The following NXPE3 variants were observed in gnomAD, a reference collection of about 807,000 sequenced individuals.
NXPE3 encodes the protein neurexophilin and PC-esterase domain family member 3.
Under a neutral mutation model 46.1 loss-of-function variants are expected in NXPE3, and 26 were observed. The ratio of observed to expected loss-of-function variants is 0.56; its 90% CI spans 0.41 to 0.78. The LOEUF (loss-of-function observed/expected upper bound fraction) is 0.78. NXPE3 is among the 30% of genes least tolerant of loss of function. NXPE3 has a pLI of 0.00. For synonymous variants in NXPE3, 272 were observed against 257.9 expected (o/e 1.05, Z -0.52); for missense variants, 620 against 686.0 (o/e 0.90, Z 1.07).
At chr3:101,819,905 G>T (rs996447639) in intron 7 of NXPE3, among the ~76,000 whole-genome samples, 75 of 152,250 alleles carry the variant, frequency 4.9e-4, no homozygotes, top group South Asian at 2.1e-4. Flanking sequence ...TACCCGTCTA[G>T]CAGCCCTCTG....
chr3:101,799,006 G>C (rs1180040218), intron 4 of NXPE3, among the ~76,000 whole-genome samples: 1 of 152,100 alleles, frequency 6.6e-6, no homozygotes, highest in Non-Finnish European at 1.5e-5. Flanking sequence ...TGTGATCATA[G>C]CTCACTACAA....
Position 101,811,041 on chromosome 3 carries a change from G to A in NXPE3, c.922+3915G>A, listed in dbSNP as rs929798895. ...TCACTGTGTTGGCCAGGCTGGTCTCGAACTCCTGAGCTCAAGCGATCTACC... is the reference window on the plus strand; with the variant it reads ...TCACTGTGTTGGCCAGGCTGGTCTCAAACTCCTGAGCTCAAGCGATCTACC... On this transcript the variant is annotated intron_variant, in intron 6 of 7. Transcript: ENST00000273347. Among the ~76,000 whole-genome samples, 4 of 152,110 alleles carry A rather than the reference G, an allele frequency of 2.6e-5. No homozygotes were observed. In the South Asian group the frequency reaches 8.3e-4, roughly 32 times the overall value.
chr3:101,798,222 C>T (rs1320932646), intron 4 of NXPE3, among the ~76,000 whole-genome samples: 2 of 152,212 alleles, frequency 1.3e-5, no homozygotes, highest in East Asian at 1.9e-4. Flanking sequence ...TTAAGCTATT[C>T]TTTGCCTCAG....
intron 6 of NXPE3, among the ~76,000 whole-genome samples, chr3:101,811,821 C>T (rs1246593315): frequency 6.9e-6 from 1 of 144,276 alleles, no homozygotes; most frequent in Non-Finnish European, 1.5e-5. Flanking sequence ...AAAACTTCTG[C>T]CTCCTGGGTT....
chr3:101,821,769 G>T lies in NXPE3; in HGVS notation c.1495G>T (p.Asp499Tyr). 6.2e-7 allele frequency: 1 copy of T among 1,614,192 alleles called. No individual in the cohort carries two copies. The highest frequency in any genetic ancestry group is 8.5e-7 in the Non-Finnish European group (1 of 1,180,034). ...ACCTGAGGTGAGCCTTTTCAACAGCGACTGGTACAACTTTCAGCTGGACAC... is the reference window on the plus strand; with the variant it reads ...ACCTGAGGTGAGCCTTTTCAACAGCTACTGGTACAACTTTCAGCTGGACAC... ...LGPEVSLFNS[D>Y]WYNFQLDTIL... Residue 499 changes from aspartate (D) to tyrosine (Y), a missense_variant, in exon 8 of 8, where the codon GAC (aspartate) becomes TAC (tyrosine). Physicochemically the swap from Asp to Tyr is radical, Grantham distance 160. Transcript: ENST00000273347.
At chr3:101,807,024 G>A (rs1941449171) in intron 5 of NXPE3, 29 bp from the exon 6 acceptor site, 4 of 1,509,356 alleles carry the variant, frequency 2.7e-6, no homozygotes, top group Non-Finnish European at 3.7e-6. Context: ...TCCTGAACCT[G>A]AGCTTGTGCT....
chr3:101,820,954 A>C (rs1471458415), intron 7 of NXPE3, among the ~76,000 whole-genome samples: 1 of 152,174 alleles, frequency 6.6e-6, no homozygotes, highest in African/African-American at 2.4e-5. Flanking sequence ...ATGAAATAAT[A>C]TGTGACACAT....
At chr3:101,784,924 T>C (rs1940063436) in intron 3 of NXPE3, among the ~76,000 whole-genome samples, 1 of 152,146 alleles carries the variant, frequency 6.6e-6, no homozygotes, top group African/African-American at 2.4e-5. Flanking sequence ...ATGAGAGGGG[T>C]AGCACTTCTT....
At chr3:101,784,168 C>G (rs1029357782) in intron 3 of NXPE3, among the ~76,000 whole-genome samples, 1 of 152,036 alleles carries the variant, frequency 6.6e-6, no homozygotes, top group African/African-American at 2.4e-5. Flanking sequence ...TTGAGCAAAT[C>G]AGAAAAGTAT....
chr3:101,781,495 A>G (rs1000483701), intron 1 of NXPE3, among the ~76,000 whole-genome samples: 2 of 152,242 alleles, frequency 1.3e-5, no homozygotes, highest in Non-Finnish European at 2.9e-5. Flanking sequence ...CACAGGCCAT[A>G]AAGAAGTTAG....
At chr3:101,806,850 AT>A (rs1201951485) in intron 5 of NXPE3, among the ~76,000 whole-genome samples, 1 of 152,176 alleles carries the variant, frequency 6.6e-6, no homozygotes, top group African/African-American at 2.4e-5. Context: ...AATCAATTTA[AT>A]TTCTTTTCAG....
intron 6 of NXPE3, among the ~76,000 whole-genome samples, chr3:101,814,661 T>G (rs1336125952): frequency 6.6e-6 from 1 of 152,178 alleles, no homozygotes; most frequent in East Asian, 1.9e-4. Context: ...GTCCAAATTG[T>G]GGCTTAATAG....
rs554333462 is a variant in NXPE3, at chr3:101,822,524, T to C, written c.*570T>C. 6.6e-6 allele frequency: 1 copy of C among 152,258 alleles called. No individual in the cohort carries two copies. Among genetic ancestry groups the C allele is most frequent in the Non-Finnish European group, 1.5e-5 (1 of 68,104 alleles). 9.4% of individuals were successfully genotyped at this position (152,258 alleles called of 1,614,324 possible). ...AAAGGCCAATGTGCTTGGTTCGAGT[T>C]TTTTAGTGAATATTTACAATTTCCT... is the stretch of plus-strand genomic sequence containing the variant. On this transcript the variant is annotated 3_prime_UTR_variant, in exon 8 of 8. Coordinates refer to ENST00000273347, the MANE Select transcript of NXPE3 (RefSeq NM_145037.4).
intron 4 of NXPE3, among the ~76,000 whole-genome samples, chr3:101,791,074 C>G (rs1457186480): frequency 6.6e-6 from 1 of 152,176 alleles, no homozygotes; most frequent in African/African-American, 2.4e-5. Context: ...CCAGTACCCT[C>G]TCTGCTCCTC....
At chr3:101,810,299 G>T (rs1003089865) in intron 6 of NXPE3, among the ~76,000 whole-genome samples, 4 of 152,142 alleles carry the variant, frequency 2.6e-5, no homozygotes, top group Admixed American at 6.5e-5. Context: ...TATATTTTTT[G>T]GGGGAACTTA....
At chr3:101,793,413 T>C (rs948096904) in intron 4 of NXPE3, among the ~76,000 whole-genome samples, 14 of 152,258 alleles carry the variant, frequency 9.2e-5, no homozygotes, top group Middle Eastern at 3.4e-3. Context: ...ACAGGTTTCT[T>C]CTAGCTAGCA....
At chr3:101,798,599 T>G (rs1940970534) in intron 4 of NXPE3, among the ~76,000 whole-genome samples, 1 of 128,330 alleles carries the variant, frequency 7.8e-6, no homozygotes, top group African/African-American at 2.9e-5. Context: ...TATATATATA[T>G]ATATTTTTTT....
At chr3:101,808,818 G>GAGATATATATATATATAT (rs1313213746) in intron 6 of NXPE3, among the ~76,000 whole-genome samples, 3 of 30,814 alleles carry the variant, frequency 9.7e-5, no homozygotes, top group East Asian at 1.1e-3. Context: ...AATTTTAGAG[G>GAGATATATATATATATAT]ATATATATAT....
intron 3 of NXPE3, among the ~76,000 whole-genome samples, chr3:101,783,481 C>T (rs1312655691): frequency 6.6e-6 from 1 of 152,306 alleles, no homozygotes; most frequent in South Asian, 2.1e-4. Context: ...AGGTCTTTTC[C>T]TGGCACAATC....
Sources: gnomAD v4.1 joint callset for allele counts (sites outside exome capture counted in the v4.1 genomes callset) on GRCh38, gnomAD v4.1.1 for gene constraint, MANE v1.5 for transcripts, NCBI Gene and HGNC (gene_info 2026-07-23, HGNC 2026-07-21) for gene names.